Variants in FKBP1A observed in about 807,000 individuals in gnomAD.
The protein encoded by FKBP1A is FKBP prolyl isomerase 1A, also known as peptidyl-prolyl cis-trans isomerase FKBP1A.
Under a neutral mutation model 14.2 loss-of-function variants are expected in FKBP1A, and 5 were observed. The ratio of observed to expected loss-of-function variants is 0.35; its 90% CI spans 0.18 to 0.74. The LOEUF is 0.74. FKBP1A is among the 30% of genes least tolerant of loss of function. FKBP1A has a pLI of 0.56. For missense variants in FKBP1A, 53 were observed against 138.8 expected (o/e 0.38, Z 3.10); for synonymous variants, 42 against 49.1 (o/e 0.86, Z 0.60).
At chr20:1,381,105 T>C (rs1298403205) in intron 2 of FKBP1A, among the ~76,000 whole-genome samples, 1 of 152,164 alleles carries the variant, frequency 6.6e-6, no homozygotes, top group Non-Finnish European at 1.5e-5. Context: ...AAAGAATAAA[T>C]TGAACTTCAT....
chr20:1,390,223 C>T (rs1305168375), intron 2 of FKBP1A, among the ~76,000 whole-genome samples: 1 of 152,036 alleles, frequency 6.6e-6, no homozygotes, highest in African/African-American at 2.4e-5. Flanking sequence ...GGACACCTGG[C>T]AAGAGCTGAC....
chr20:1,370,435 C>T, intron 4 of FKBP1A: 1 of 972,352 alleles, frequency 1.0e-6, no homozygotes, highest in South Asian at 4.8e-5. Flanking sequence ...CTCTTAATGC[C>T]TGGGTTCCAC....
intron 2 of FKBP1A, among the ~76,000 whole-genome samples, chr20:1,390,855 A>T (rs541595594): frequency 1.4e-4 from 22 of 152,114 alleles, no homozygotes; most frequent in Non-Finnish European, 3.1e-4. Flanking sequence ...ATCAAAACGA[A>T]ATCAAAAAGA....
rs2089431833 is a variant in FKBP1A at position 1,369,433 on chromosome 20, G to C, written c.*676C>G. ...CTTCAGAGGTCCCTGCTGGCCCAGG[G>C]ACAGATACCTGTAGTGTCCAGCATT... On this transcript the variant is annotated 3_prime_UTR_variant, in exon 5 of 5. Coordinates refer to ENST00000400137, the MANE Select transcript of FKBP1A (RefSeq NM_000801.5). 6.9e-6 allele frequency: 1 copy of C among 144,606 alleles called. No homozygotes were observed. Among genetic ancestry groups the C allele is most frequent in the South Asian group, 2.5e-4 (1 of 4,048 alleles). The allele number at this position is 144,606 out of a possible 1,614,324, so 9.0% of individuals were successfully genotyped here.
Position 1,391,124 on chromosome 20 carries a change from A to C in FKBP1A, c.85+1710T>G, listed in dbSNP as rs1283990300. ...TGGCAGCACCAGAACATGGGCGAGCATGAGGGGCAGACGTGGGAGTGGGAC... is the reference window on the plus strand; with the variant it reads ...TGGCAGCACCAGAACATGGGCGAGCCTGAGGGGCAGACGTGGGAGTGGGAC... On this transcript the variant is annotated intron_variant, in intron 2 of 4. Transcript: ENST00000400137. Among the ~76,000 whole-genome samples, 3 of 152,150 alleles carry C rather than the reference A, an allele frequency of 2.0e-5. No individual in the cohort carries two copies. The East Asian group carries it at 5.8e-4, about 29-fold the overall frequency.
At chr20:1,370,656 G>T (rs751809554) in intron 4 of FKBP1A, 27 of 985,376 alleles carry the variant, frequency 2.7e-5, no homozygotes, top group Non-Finnish European at 3.3e-5. Flanking sequence ...CCAGACTCTT[G>T]CAAGAAGCTG....
chr20:1,391,827 G>C, intron 2 of FKBP1A: 1 of 392,506 alleles, frequency 2.5e-6, no homozygotes, highest in Non-Finnish European at 4.5e-6. Context: ...GGAAGGAGGA[G>C]GGGGAGGGAA....
In FKBP1A at chr20:1,370,963, C is replaced by T. The variant is rs147053895; in HGVS notation, c.*37-891G>A. 3.0e-6 allele frequency: 3 copies of T among 985,418 alleles called. No homozygotes were observed. In the African/African-American group the frequency reaches 5.2e-5, roughly 17 times the overall value. 61.0% of individuals were successfully genotyped at this position (985,418 alleles called of 1,614,324 possible). On this transcript the variant is annotated intron_variant, in intron 4 of 4. Transcript: ENST00000400137. ...AAACCAGTTATCAAACTTAACCAGG[C>T]CTGTATTACCAAGGTGTGTGTGGTT...
intron 2 of FKBP1A, among the ~76,000 whole-genome samples, chr20:1,382,049 G>C (rs568760755): frequency 6.6e-6 from 1 of 152,304 alleles, no homozygotes; most frequent in South Asian, 2.1e-4. Flanking sequence ...AAAAAGAGTA[G>C]GCAGTGGCAT....
intron 2 of FKBP1A, among the ~76,000 whole-genome samples, chr20:1,383,048 G>A (rs746318145): frequency 5.3e-5 from 8 of 152,186 alleles, no homozygotes; most frequent in Non-Finnish European, 1.2e-4. Context: ...CACTGAAGCG[G>A]TGGTTAAGAC....
At chr20:1,376,119 T>A (rs904207617) in intron 2 of FKBP1A, among the ~76,000 whole-genome samples, 2 of 152,190 alleles carry the variant, frequency 1.3e-5, no homozygotes, top group Non-Finnish European at 2.9e-5. Flanking sequence ...CCCCATGGGC[T>A]CCTCTGTGGT....
At position 1,379,381 on chromosome 20, in the gene FKBP1A, T is replaced by C. The variant is rs1381334552; in HGVS notation, c.86-3778A>G. ...TGCTGCTGCTGCTGCTGAGCCAGCATGGAGATGTGTATGTTCTTCAGTGGC... is the reference window on the plus strand; with the variant it reads ...TGCTGCTGCTGCTGCTGAGCCAGCACGGAGATGTGTATGTTCTTCAGTGGC... On this transcript the variant is annotated intron_variant, in intron 2 of 4. Transcript: ENST00000400137. The surrounding 1 kb of genome is among the most constrained non-coding windows in gnomAD (Gnocchi z 4.3). Among the ~76,000 whole-genome samples, 2 of 152,200 alleles carry C rather than the reference T, an allele frequency of 1.3e-5. No individual in the cohort carries two copies. Among genetic ancestry groups the C allele is most frequent in the Non-Finnish European group, 2.9e-5 (2 of 68,034 alleles).
intron 2 of FKBP1A, among the ~76,000 whole-genome samples, chr20:1,383,381 A>G (rs2089636995): frequency 6.6e-6 from 1 of 152,102 alleles, no homozygotes; most frequent in Non-Finnish European, 1.5e-5. Context: ...TAAACCAAAA[A>G]TCAAACATAA....
Position 1,379,321 on chromosome 20 carries a change from C to T in FKBP1A, c.86-3718G>A, listed in dbSNP as rs954036689. ...AACTATCTATCTGACTGGTACCAGG[C>T]TAGGAGCACTAGGCAGGACACAGCC... is the stretch of plus-strand genomic sequence containing the variant. On this transcript the variant is annotated intron_variant, in intron 2 of 4. Coordinates refer to ENST00000400137, the MANE Select transcript of FKBP1A (RefSeq NM_000801.5). The surrounding 1 kb of genome is among the most constrained non-coding windows in gnomAD (Gnocchi z 4.3). Among the ~76,000 whole-genome samples, 3 of 152,160 alleles carry T rather than the reference C, an allele frequency of 2.0e-5. No individual in the cohort carries two copies. Among genetic ancestry groups the T allele is most frequent in the Non-Finnish European group, 2.9e-5 (2 of 68,026 alleles).
chr20:1,373,927 C>T (rs1031499106), intron 3 of FKBP1A, among the ~76,000 whole-genome samples: 13 of 152,170 alleles, frequency 8.5e-5, no homozygotes, highest in African/African-American at 2.4e-4. Context: ...CACTGCCAAC[C>T]CTCTGCCCTG....
rs2089590339 is a variant in FKBP1A, at chr20:1,379,212, C to T, written c.86-3609G>A. 6.6e-6 allele frequency among the ~76,000 whole-genome samples: 1 copy of T among 152,164 alleles called. No individual in the cohort carries two copies. On this transcript the variant is annotated intron_variant, in intron 2 of 4. Coordinates refer to ENST00000400137, the MANE Select transcript of FKBP1A (RefSeq NM_000801.5). The surrounding 1 kb of genome is among the most constrained non-coding windows in gnomAD (Gnocchi z 4.3). ...AGACTCCCTAAACTTCCTTTTTATT[C>T]CTGATCAAATGCAATGCCAAGCAAC...
intron 2 of FKBP1A, among the ~76,000 whole-genome samples, chr20:1,391,214 G>T (rs933075584): frequency 6.6e-6 from 1 of 152,088 alleles, no homozygotes; most frequent in Non-Finnish European, 1.5e-5. Flanking sequence ...TGCGGCAGAA[G>T]GCAGCTCCTC....
At chr20:1,374,049 G>A (rs1425447209) in intron 3 of FKBP1A, among the ~76,000 whole-genome samples, 1 of 152,192 alleles carries the variant, frequency 6.6e-6, no homozygotes, top group Admixed American at 6.5e-5. Flanking sequence ...AGAGCAATGT[G>A]TATTCTGGAA....
intron 3 of FKBP1A, among the ~76,000 whole-genome samples, chr20:1,372,807 T>C (rs548494087): frequency 1.3e-5 from 2 of 152,326 alleles, no homozygotes; most frequent in South Asian, 2.1e-4. Context: ...TGTGAAAATA[T>C]TGATATGCCT....
Sources: allele counts gnomAD v4.1 joint callset (sites outside exome capture counted in the v4.1 genomes callset), GRCh38; gene constraint gnomAD v4.1.1; non-coding constraint Gnocchi (gnomAD v3.1); transcripts MANE v1.5; gene names NCBI Gene and HGNC (gene_info 2026-07-23, HGNC 2026-07-21).